Variants in RNF24 observed in about 807,000 individuals in gnomAD.
The protein encoded by RNF24 is ring finger protein 24.
Under a neutral mutation model 20.0 loss-of-function variants are expected in RNF24, and 14 were observed. The ratio of observed to expected loss-of-function variants is 0.70; its 90% CI spans 0.46 to 1.10. The LOEUF (loss-of-function observed/expected upper bound fraction) is 1.10. Among genes scored for constraint, RNF24 ranks in the 50% least tolerant of loss-of-function variants. The probability of loss-of-function intolerance (pLI) is 0.00; values close to 1 mark genes in which losing one functional copy is unlikely to be tolerated. For synonymous variants in RNF24, 45 were observed against 61.1 expected, an observed-to-expected ratio of 0.74 and a Z score of 1.23; for missense variants, 124 against 177.6, an observed-to-expected ratio of 0.70 and a Z score of 1.71.
chr20:3,964,921 A>C (rs1251024163), intron 1 of RNF24, among the ~76,000 whole-genome samples: 2 of 152,134 alleles, frequency 1.3e-5, no homozygotes, highest in Non-Finnish European at 2.9e-5. Context: ...CTCCAACTCC[A>C]AACTCAGCAG....
rs866284128 is a variant in RNF24 at position 3,934,176 on chromosome 20, G to A, written c.334C>T (p.Arg112Cys). ...RKCLIKWLEVRKVCPLCNMPV... is the reference protein window; with the variant it reads ...RKCLIKWLEVCKVCPLCNMPV... ...ATGTTGCACAGGGGACACACTTTAC[G>A]AACCTCCAGCCACTTAATAAGGCAC... The change falls in exon 6 of 6, where the codon CGT becomes TGT. Residue 112 changes from arginine to cysteine, a missense_variant. Transcript: ENST00000358395. This position sits in a 1 kb window ranked among gnomAD's most constrained non-coding sequence, Gnocchi z 4.0. 2 of 1,606,872 alleles carry A rather than the reference G, an allele frequency of 1.2e-6. No homozygotes were observed. The highest frequency in any genetic ancestry group is 1.1e-5 in the South Asian group (1 of 90,656).
At chr20:3,997,104 T>C (rs1223477838) in intron 1 of RNF24, among the ~76,000 whole-genome samples, 2 of 151,364 alleles carry the variant, frequency 1.3e-5, no homozygotes, top group East Asian at 1.9e-4. Context: ...TGGGTGCCTG[T>C]AGTCCCAGCT....
intron 1 of RNF24, among the ~76,000 whole-genome samples, chr20:4,007,075 A>G (rs751636718): frequency 7.2e-5 from 11 of 152,250 alleles, no homozygotes; most frequent in Admixed American, 1.3e-4. Flanking sequence ...GTAAGAAAAG[A>G]AAGAGGCAGA....
intron 2 of RNF24, among the ~76,000 whole-genome samples, chr20:3,961,365 C>T (rs2091200061): frequency 6.6e-6 from 1 of 150,660 alleles, no homozygotes; most frequent in African/African-American, 2.4e-5. Flanking sequence ...TCACTGCACT[C>T]CAGCCTGGGT....
chr20:3,945,078 AT>A (rs1022784358), intron 4 of RNF24, 98 bp downstream of exon 4: 13 of 1,475,544 alleles, frequency 8.8e-6, no homozygotes, highest in African/African-American at 2.9e-5. Flanking sequence ...AAATAAGCCT[AT>A]TTTTTTCAAC....
chr20:3,994,597 T>C (rs994435626), intron 1 of RNF24, among the ~76,000 whole-genome samples: 2 of 152,204 alleles, frequency 1.3e-5, no homozygotes, highest in Admixed American at 6.5e-5. Context: ...ATTGGTAGCA[T>C]AAAGTTGCTG....
intron 1 of RNF24, among the ~76,000 whole-genome samples, chr20:3,964,447 A>C (rs2091236855): frequency 6.6e-6 from 1 of 152,222 alleles, no homozygotes; most frequent in Admixed American, 6.5e-5. Flanking sequence ...AATAACTGAG[A>C]TATCTCACAA....
At chr20:3,989,359 C>T (rs2147043318) in intron 1 of RNF24, among the ~76,000 whole-genome samples, 1 of 151,976 alleles carries the variant, frequency 6.6e-6, no homozygotes, top group South Asian at 2.1e-4. Context: ...GGCGTGGTGG[C>T]GGGCGCCTGT....
At chr20:4,010,696 G>A (rs1982392913) in intron 1 of RNF24, among the ~76,000 whole-genome samples, 1 of 152,088 alleles carries the variant, frequency 6.6e-6, no homozygotes, top group African/African-American at 2.4e-5. Flanking sequence ...TCATTTAAAA[G>A]TAAAAAAACT....
intron 2 of RNF24, among the ~76,000 whole-genome samples, chr20:3,961,679 C>T (rs889937204): frequency 1.4e-4 from 21 of 151,668 alleles, no homozygotes; most frequent in Admixed American, 1.3e-3. Flanking sequence ...ATAACCCTCC[C>T]TTAATAACAT....
chr20:4,006,285 C>T (rs146903438), intron 1 of RNF24, among the ~76,000 whole-genome samples: 1,671 of 152,048 alleles, frequency 0.011, 25 homozygotes, highest in Non-Finnish European at 0.011. Context: ...AGAAGAATCG[C>T]TTGAACCCAG....
intron 1 of RNF24, among the ~76,000 whole-genome samples, chr20:3,966,448 G>C (rs2091258644): frequency 2.8e-5 from 4 of 143,950 alleles, no homozygotes; most frequent in Admixed American, 2.1e-4. Context: ...AACTCAAAGA[G>C]GACAAAACTA....
intron 1 of RNF24, among the ~76,000 whole-genome samples, chr20:3,994,487 T>C (rs1287255777): frequency 2.6e-5 from 4 of 152,216 alleles, no homozygotes; most frequent in Non-Finnish European, 5.9e-5. Flanking sequence ...GGAGTTGAGT[T>C]TGTTCATTCT....
intron 1 of RNF24, among the ~76,000 whole-genome samples, chr20:3,989,560 T>C (rs534579498): frequency 6.6e-6 from 1 of 152,150 alleles, no homozygotes; most frequent in Non-Finnish European, 1.5e-5. Flanking sequence ...CAGGACAGAA[T>C]AGAAATACGA....
intron 1 of RNF24, among the ~76,000 whole-genome samples, chr20:3,968,820 G>T (rs1555798147): frequency 6.6e-6 from 1 of 151,684 alleles, no homozygotes; most frequent in Non-Finnish European, 1.5e-5. Flanking sequence ...GTTCTAGAGA[G>T]AATTATTTTA....
intron 1 of RNF24, among the ~76,000 whole-genome samples, chr20:3,964,920 C>A (rs2091242463): frequency 6.6e-6 from 1 of 152,124 alleles, no homozygotes; most frequent in Non-Finnish European, 1.5e-5. Context: ...TCTCCAACTC[C>A]AAACTCAGCA....
At chr20:4,007,077 A>T (rs948744370) in intron 1 of RNF24, among the ~76,000 whole-genome samples, 58 of 152,254 alleles carry the variant, frequency 3.8e-4, no homozygotes, top group Admixed American at 3.7e-3. Flanking sequence ...AAGAAAAGAA[A>T]GAGGCAGAGC....
chr20:3,982,232 A>G (rs1979473575), intron 1 of RNF24, among the ~76,000 whole-genome samples: 3 of 151,962 alleles, frequency 2.0e-5, no homozygotes, highest in South Asian at 2.1e-4. Context: ...TGGTTTGAGT[A>G]TCTGTCCCCT....
intron 1 of RNF24, among the ~76,000 whole-genome samples, chr20:3,986,177 A>G (rs1266712711): frequency 6.6e-6 from 1 of 151,770 alleles, no homozygotes; most frequent in Admixed American, 6.6e-5. Flanking sequence ...TTGTTTTTTA[A>G]CTGTTCTTTT....
Sources: allele counts gnomAD v4.1 joint callset (sites outside exome capture counted in the v4.1 genomes callset), GRCh38; gene constraint gnomAD v4.1.1; non-coding constraint Gnocchi (gnomAD v3.1); transcripts MANE v1.5; gene names NCBI Gene and HGNC (gene_info 2026-07-23, HGNC 2026-07-21).